Variants in FOXK2 observed in about 807,000 individuals in gnomAD.
FOXK2 encodes the protein forkhead box K2, also known as forkhead box protein K2.
FOXK2 carries 24 observed loss-of-function variants against 53.3 expected under a neutral mutation model. The ratio of observed to expected loss-of-function variants is 0.45; its 90% CI spans 0.33 to 0.63. The LOEUF is 0.63. Ranked by LOEUF, FOXK2 falls within the 30% of genes least tolerant of loss-of-function variation. FOXK2 has a pLI of 0.03. For synonymous variants in FOXK2, 505 were observed against 407.1 expected (o/e 1.24, Z -2.89); for missense variants, 952 against 910.5 (o/e 1.05, Z -0.59).
chr17:82,551,969 C>T (rs1295450426), intron 1 of FOXK2, among the ~76,000 whole-genome samples: 1 of 152,234 alleles, frequency 6.6e-6, no homozygotes, highest in Non-Finnish European at 1.5e-5. Flanking sequence ...TGTGGGGAAG[C>T]ACCTGCTGCA....
chr17:82,570,333 A>G (rs2044903823), intron 3 of FOXK2, among the ~76,000 whole-genome samples: 1 of 152,174 alleles, frequency 6.6e-6, no homozygotes, highest in Middle Eastern at 3.2e-3. Context: ...TCTCTACAAA[A>G]ATACCAAAAA....
At chr17:82,534,285 C>T (rs2044500237) in intron 1 of FOXK2, among the ~76,000 whole-genome samples, 1 of 152,012 alleles carries the variant, frequency 6.6e-6, no homozygotes, top group Admixed American at 6.6e-5. Flanking sequence ...AGAGGGGTAA[C>T]CTGTGGAAGC....
intron 1 of FOXK2, among the ~76,000 whole-genome samples, chr17:82,551,368 G>A (rs1460152591): frequency 6.6e-6 from 1 of 150,396 alleles, no homozygotes; most frequent in Non-Finnish European, 1.5e-5. Context: ...CATGTCATGA[G>A]TTTTGAAGGA....
intron 7 of FOXK2, among the ~76,000 whole-genome samples, chr17:82,586,503 G>T (rs796654307): frequency 1.2e-4 from 9 of 72,726 alleles, no homozygotes; most frequent in South Asian, 1.1e-3. Context: ...GGTGGGCCGG[G>T]GGGGAAAGGA....
intron 1 of FOXK2, among the ~76,000 whole-genome samples, chr17:82,539,305 TCA>T (rs2044551994): frequency 1.4e-5 from 1 of 72,454 alleles, no homozygotes; most frequent in Non-Finnish European, 3.2e-5. Flanking sequence ...GCCCGTAATC[TCA>T]GCACTGTAAG....
At chr17:82,536,544 T>C (rs2044522577) in intron 1 of FOXK2, among the ~76,000 whole-genome samples, 1 of 152,252 alleles carries the variant, frequency 6.6e-6, no homozygotes, top group Non-Finnish European at 1.5e-5. Flanking sequence ...AGCTTGTGTT[T>C]AGTTGGTGTT....
At chr17:82,600,492 G>A (rs149583987) in intron 8 of FOXK2, 3 of 152,356 alleles carry the variant, frequency 2.0e-5, no homozygotes, top group East Asian at 1.9e-4. Context: ...CACTCATGGC[G>A]ATCAGCTGAT....
At chr17:82,558,334 C>T (rs2044754733) in intron 1 of FOXK2, among the ~76,000 whole-genome samples, 1 of 152,144 alleles carries the variant, frequency 6.6e-6, no homozygotes, top group African/African-American at 2.4e-5. Context: ...CGAGACCCTG[C>T]CTGAAAACGA....
intron 1 of FOXK2, among the ~76,000 whole-genome samples, chr17:82,534,074 CAA>C (rs781376612): frequency 2.0e-4 from 26 of 127,200 alleles, no homozygotes; most frequent in East Asian, 2.2e-4. Context: ...GACACTGTCT[CAA>C]AAAAAAAAAA....
At chr17:82,537,507 T>C (rs1010888330) in intron 1 of FOXK2, among the ~76,000 whole-genome samples, 1 of 148,952 alleles carries the variant, frequency 6.7e-6, no homozygotes, top group Non-Finnish European at 1.5e-5. Flanking sequence ...TGTAATCAGC[T>C]ATTCAGGAGG....
chr17:82,522,279 A>G (rs1245259908), intron 1 of FOXK2, among the ~76,000 whole-genome samples: 1 of 151,338 alleles, frequency 6.6e-6, no homozygotes, highest in African/African-American at 2.4e-5. Context: ...CTATGATTGC[A>G]CCACTGCATT....
chr17:82,536,650 T>C (rs1431044759), intron 1 of FOXK2, among the ~76,000 whole-genome samples: 1 of 152,204 alleles, frequency 6.6e-6, no homozygotes, highest in Non-Finnish European at 1.5e-5. Context: ...GGCTTGCCCT[T>C]GGCCTAGGGA....
chr17:82,599,190 T>A (rs1485216613), intron 8 of FOXK2: 1 of 150,738 alleles, frequency 6.6e-6, no homozygotes, highest in Non-Finnish European at 1.5e-5. Context: ...CTCCGCCTCC[T>A]GGGTTCAAGT....
At position 82,531,879 on chromosome 17, in the gene FOXK2, C is replaced by T. The variant is rs142482159; in HGVS notation, c.419+11572C>T. 3.9e-3 allele frequency among the ~76,000 whole-genome samples: 595 copies of T among 152,282 alleles called. 10 individuals are homozygous for T. The highest frequency in any genetic ancestry group is 0.034 in the Admixed American group (515 of 15,280). On this transcript the variant is annotated intron_variant, in intron 1 of 8. Coordinates refer to ENST00000335255, the MANE Select transcript of FOXK2 (RefSeq NM_004514.4). ...ATTTGAGAAGGAGTTTCGCTTTTGT[C>T]GCCCAGGCTGCAGTGCAATGGCGTG... is the stretch of plus-strand genomic sequence containing the variant.
intron 8 of FOXK2, among the ~76,000 whole-genome samples, chr17:82,596,831 C>A (rs1443990714): frequency 6.6e-6 from 1 of 152,196 alleles, no homozygotes; most frequent in East Asian, 1.9e-4. Flanking sequence ...CCACAGACCA[C>A]CCCCTCCCCA....
chr17:82,563,381 C>G lies in FOXK2; in HGVS notation c.447C>G (p.Asn149Lys). ...GCACATTCAGGTTCCCGAGCACAAACATCAAGATAACGTTCACTGCCCTGT... is the reference window on the plus strand; with the variant it reads ...GCACATTCAGGTTCCCGAGCACAAAGATCAAGATAACGTTCACTGCCCTGT... ...RVCTFRFPST[N>K]IKITFTALSS... Residue 149 changes from asparagine to lysine, a missense_variant, in exon 2 of 9, where the codon AAC becomes AAG. By Grantham distance (94) the Asn-to-Lys change is moderately conservative (BLOSUM62 0). Around this residue, in one of 5 missense-constraint regions of FOXK2, gnomAD observed 76 missense variants for 128.2 expected, o/e 0.59. Coordinates refer to ENST00000335255, the MANE Select transcript of FOXK2 (RefSeq NM_004514.4). 6.2e-7 allele frequency: 1 copy of G among 1,613,834 alleles called. No individual in the cohort carries two copies. The highest frequency in any genetic ancestry group is 8.5e-7 in the Non-Finnish European group (1 of 1,179,938).
chr17:82,551,667 C>G (rs900073771), intron 1 of FOXK2, among the ~76,000 whole-genome samples: 1 of 152,030 alleles, frequency 6.6e-6, no homozygotes, highest in Non-Finnish European at 1.5e-5. Context: ...GGCAACAGAG[C>G]GAGTCTATCT....
At chr17:82,581,427 G>C (rs1329329091) in intron 4 of FOXK2, among the ~76,000 whole-genome samples, 1 of 151,098 alleles carries the variant, frequency 6.6e-6, no homozygotes, top group East Asian at 1.9e-4. Flanking sequence ...AGCATCCTTA[G>C]TAGCTGGGAC....
At chr17:82,542,024 G>A (rs2044579176) in intron 1 of FOXK2, among the ~76,000 whole-genome samples, 1 of 151,232 alleles carries the variant, frequency 6.6e-6, no homozygotes, top group Non-Finnish European at 1.5e-5. Context: ...GGGATTACAG[G>A]CATGCACCAC....
Sources: gnomAD v4.1 joint callset for allele counts (sites outside exome capture counted in the v4.1 genomes callset) on GRCh38, gnomAD v4.1.1 for gene constraint, gnomAD v4.1.1 regional missense constraint, MANE v1.5 for transcripts, NCBI Gene and HGNC (gene_info 2026-07-23, HGNC 2026-07-21) for gene names.